The following FMO3 variants were observed in gnomAD, a reference collection of about 807,000 sequenced individuals.
FMO3 encodes the protein flavin containing dimethylaniline monoxygenase 3, also known as flavin-containing monooxygenase 3.
In FMO3, 40 loss-of-function variants were observed where a neutral mutation model predicts 39.4. The ratio of observed to expected loss-of-function variants is 1.02; its 90% CI spans 0.79 to 1.32. The LOEUF is 1.32. Ranked by LOEUF, FMO3 falls within the 40% of genes most tolerant of loss-of-function variation. The probability of loss-of-function intolerance (pLI) is 0.00; values close to 1 mark genes in which losing one functional copy is unlikely to be tolerated. For synonymous variants in FMO3, 219 were observed against 228.8 expected (o/e 0.96, Z 0.39); for missense variants, 680 against 651.8 (o/e 1.04, Z -0.47).
chr1:171,111,824 A>T (rs965694308), intron 6 of FMO3, among the ~76,000 whole-genome samples: 2 of 152,218 alleles, frequency 1.3e-5, no homozygotes, highest in Non-Finnish European at 2.9e-5. Flanking sequence ...TGGACAAAAC[A>T]TGCAAAAATC....
chr1:171,102,314 A>T (rs1655434597), intron 2 of FMO3, among the ~76,000 whole-genome samples: 2 of 151,928 alleles, frequency 1.3e-5, no homozygotes, highest in Non-Finnish European at 2.9e-5. Flanking sequence ...ATGAACTAGC[A>T]ACTACACATA....
chr1:171,095,915 T>TAA (rs1384895456), intron 2 of FMO3, among the ~76,000 whole-genome samples: 1,966 of 4,152 alleles, frequency 0.47, 43 homozygotes, highest in Middle Eastern at 0.67. Flanking sequence ...TGTATAAATA[T>TAA]ATATTTATAT....
chr1:171,104,051 C>T (rs1196386015), intron 3 of FMO3, 78 bp downstream of exon 3: 5 of 1,077,520 alleles, frequency 4.6e-6, no homozygotes, highest in Non-Finnish European at 7.1e-6. Context: ...TCATTTGTTC[C>T]TTTCAGTTTC....
At chr1:171,096,055 TAATA>T (rs1557933174) in intron 2 of FMO3, among the ~76,000 whole-genome samples, 1 of 54,514 alleles carries the variant, frequency 1.8e-5, no homozygotes, top group African/African-American at 1.3e-4. Context: ...TATAAATATA[TAATA>T]TATATTATAT....
intron 3 of FMO3, among the ~76,000 whole-genome samples, chr1:171,106,284 G>T (rs1296594685): frequency 6.6e-6 from 1 of 151,992 alleles, no homozygotes. Context: ...AGGATTACAG[G>T]CATGCACCAC....
intron 1 of FMO3, 94 bp from the exon 2 acceptor site, chr1:171,092,559 T>TTG: frequency 6.8e-7 from 1 of 1,477,070 alleles, no homozygotes; most frequent in Non-Finnish European, 9.4e-7. Context: ...AAGTTTTTAT[T>TTG]AAGCCAAAGA....
chr1:171,094,424 A>G (rs1654857829), intron 2 of FMO3, among the ~76,000 whole-genome samples: 1 of 151,618 alleles, frequency 6.6e-6, no homozygotes, highest in Non-Finnish European at 1.5e-5. Flanking sequence ...TAGTCTGTTC[A>G]CTCTGTTAAT....
intron 5 of FMO3, among the ~76,000 whole-genome samples, chr1:171,110,388 C>G (rs1359401776): frequency 1.3e-5 from 2 of 152,164 alleles, no homozygotes; most frequent in African/African-American, 2.4e-5. Context: ...GCCTGCAGCA[C>G]TGTGACAGGG....
At position 171,110,433 on chromosome 1, in the gene FMO3, C is replaced by T. The variant is rs947530082; in HGVS notation, c.628-365C>T. On this transcript the variant is annotated intron_variant, in intron 5 of 8. Transcript: ENST00000367755. The stretch of plus-strand genomic sequence containing the variant: ...CTAAGATGTAGATGTAAAGTTCAGA[C>T]GTTTATTTGGGAACACTCTCAGGAT... Among the ~76,000 whole-genome samples, 13 of 152,228 alleles carry T rather than the reference C, an allele frequency of 8.5e-5. No individual in the cohort carries two copies. In the South Asian group the frequency reaches 2.3e-3, roughly 27 times the overall value.
At chr1:171,095,683 A>G (rs1348079364) in intron 2 of FMO3, among the ~76,000 whole-genome samples, 2 of 145,472 alleles carry the variant, frequency 1.4e-5, no homozygotes, top group Non-Finnish European at 3.0e-5. Context: ...ACTGCAAAAA[A>G]CTCTTGAAAC....
At chr1:171,109,311 T>C (rs898489138) in intron 5 of FMO3, among the ~76,000 whole-genome samples, 2 of 152,144 alleles carry the variant, frequency 1.3e-5, no homozygotes, top group African/African-American at 4.8e-5. Flanking sequence ...GATCAGATTA[T>C]ATCACATATT....
chr1:171,114,511 G>A, intron 7 of FMO3, 149 bp downstream of exon 7: 1 of 680,660 alleles, frequency 1.5e-6, no homozygotes. Context: ...TATTTTGTTA[G>A]CAATTTAAAG....
At chr1:171,113,352 T>G (rs933485278) in intron 6 of FMO3, among the ~76,000 whole-genome samples, 2 of 152,158 alleles carry the variant, frequency 1.3e-5, no homozygotes, top group African/African-American at 4.8e-5. Flanking sequence ...CTCCTTCACC[T>G]GATTGGTGCC....
chr1:171,102,563 T>C (rs1401996990), intron 2 of FMO3, among the ~76,000 whole-genome samples: 5 of 152,234 alleles, frequency 3.3e-5, no homozygotes, highest in African/African-American at 7.2e-5. Flanking sequence ...CTTCCATTTG[T>C]TGAACTCTAC....
intron 2 of FMO3, among the ~76,000 whole-genome samples, chr1:171,093,084 A>G (rs975236393): frequency 1.1e-4 from 17 of 151,794 alleles, no homozygotes; most frequent in Non-Finnish European, 1.5e-5. Flanking sequence ...TTATGTAGTT[A>G]TAATTATTTA....
At position 171,095,819 on chromosome 1, in the gene FMO3, CTATA is replaced by C. The variant is rs928877421; in HGVS notation, c.132+3032_132+3035del. 5.3e-4 allele frequency among the ~76,000 whole-genome samples: 51 copies of C among 95,666 alleles called. No homozygotes were observed. In the East Asian group the frequency reaches 0.013, roughly 24 times the overall value. 62.8% of individuals were successfully genotyped at this position (95,666 alleles called of 152,430 possible). A position where few individuals can be genotyped will look rare whatever the true frequency, so the allele number is the denominator to read the frequency against. On this transcript the variant is annotated intron_variant, in intron 2 of 8. Coordinates refer to ENST00000367755, the MANE Select transcript of FMO3 (RefSeq NM_001002294.3). Reference sequence around the variant, plus strand: ...AAAATATAAATATATATTTATATAACTATATAGATTAAATATATAAACATATAAT... The same window carrying C: ...AAAATATAAATATATATTTATATAACTAGATTAAATATATAAACATATAAT...
chr1:171,095,900 T>TATGTATA lies in FMO3; in HGVS notation c.132+3111_132+3112insTGTATAA, dbSNP rs1450069092. On this transcript the variant is annotated intron_variant, in intron 2 of 8. Coordinates refer to ENST00000367755, the MANE Select transcript of FMO3 (RefSeq NM_001002294.3). ...AATATAATTATATTATATATAATTA[T>TATGTATA]AATATGTATAAATATATATTTATAT... 0.013 allele frequency among the ~76,000 whole-genome samples: 82 copies of TATGTATA among 6,164 alleles called. No individual in the cohort carries two copies. The South Asian group carries it at 0.23, about 17-fold the overall frequency. 4.0% of individuals were successfully genotyped at this position (6,164 alleles called of 152,430 possible).
At position 171,116,216 on chromosome 1, in the gene FMO3, A is replaced by G; in HGVS notation, c.1192A>G (p.Thr398Ala). 1.2e-6 allele frequency: 2 copies of G among 1,602,936 alleles called. No homozygotes were observed. The highest frequency in any genetic ancestry group is 1.7e-6 in the Non-Finnish European group (2 of 1,170,176). Reference sequence around the variant, plus strand: ...CTTTCCTTCTTTATCAGGAACTTGTACTTTGCCTTCTATGGAAGACATGAT... The same window carrying G: ...CTTTCCTTCTTTATCAGGAACTTGTGCTTTGCCTTCTATGGAAGACATGAT... ...WAAQVIKGTC[T>A]LPSMEDMMND... Residue 398 changes from threonine to alanine, a missense_variant, in exon 8 of 9, where the codon ACT becomes GCT. By Grantham distance (58) the Thr-to-Ala change is moderately conservative. Coordinates refer to ENST00000367755, the MANE Select transcript of FMO3 (RefSeq NM_001002294.3).
Position 171,103,952 on chromosome 1 carries a change from C to T in FMO3, c.300C>T (p.Leu100=), listed in dbSNP as rs1338535902. The change falls in exon 3 of 9, where the codon CTC becomes CTT. Residue 100 remains leucine (L), a synonymous_variant. Coordinates refer to ENST00000367755, the MANE Select transcript of FMO3 (RefSeq NM_001002294.3). ...TTGCATTTGCCAAAGAAAAGAACCTCCTGAAGTACATACAATTTAAGGTAA... is the reference window on the plus strand; with the variant it reads ...TTGCATTTGCCAAAGAAAAGAACCTTCTGAAGTACATACAATTTAAGGTAA... ...YIIAFAKEKN[L]LKYIQFKTFV... is the part of the protein sequence containing the mutation. 1 of 1,612,970 alleles carries T rather than the reference C, an allele frequency of 6.2e-7. No individual in the cohort carries two copies. Among genetic ancestry groups the T allele is most frequent in the African/African-American group, 1.3e-5 (1 of 75,018 alleles).
Sources: gnomAD v4.1 joint callset for allele counts (sites outside exome capture counted in the v4.1 genomes callset) on GRCh38, gnomAD v4.1.1 for gene constraint, MANE v1.5 for transcripts, NCBI Gene and HGNC (gene_info 2026-07-23, HGNC 2026-07-21) for gene names.